Variants in NTNG1 observed in about 807,000 individuals in gnomAD.
The protein encoded by NTNG1 is netrin-G1.
NTNG1 carries 16 observed loss-of-function variants against 54.0 expected under a neutral mutation model. The observed-to-expected ratio is 0.30, with a 90% confidence interval of 0.20 to 0.45. The LOEUF (loss-of-function observed/expected upper bound fraction) is 0.45, where lower values mean the gene tolerates loss of function less well. Ranked by LOEUF, NTNG1 falls within the 20% of genes least tolerant of loss-of-function variation. NTNG1 has a pLI of 1.00. For synonymous variants in NTNG1, 255 were observed against 263.1 expected (o/e 0.97, Z 0.30); for missense variants, 530 against 678.7 (o/e 0.78, Z 2.43).
chr1:107,147,286 T>C (rs1434742981), intron 1 of NTNG1, among the ~76,000 whole-genome samples: 10 of 152,162 alleles, frequency 6.6e-5, no homozygotes, highest in Non-Finnish European at 5.9e-5. Flanking sequence ...GCATTTTAAA[T>C]TGTGCGTTTT....
intron 7 of NTNG1, among the ~76,000 whole-genome samples, chr1:107,446,559 T>C (rs1311288678): frequency 6.6e-6 from 1 of 152,116 alleles, no homozygotes; most frequent in East Asian, 1.9e-4. Context: ...GTTTTTACCA[T>C]TGCCTTTTAA....
At chr1:107,165,992 A>G (rs1231113835) in intron 2 of NTNG1, among the ~76,000 whole-genome samples, 5 of 152,186 alleles carry the variant, frequency 3.3e-5, no homozygotes, top group Non-Finnish European at 7.3e-5. Context: ...GCTGGGCATA[A>G]TGGGAGATAA....
At chr1:107,420,782 T>G (rs995804135) in intron 5 of NTNG1, among the ~76,000 whole-genome samples, 2 of 152,028 alleles carry the variant, frequency 1.3e-5, no homozygotes, top group Non-Finnish European at 2.9e-5. Flanking sequence ...AGATTGACAG[T>G]AGGGGATCCT....
intron 7 of NTNG1, among the ~76,000 whole-genome samples, chr1:107,469,210 T>C (rs1677817276): frequency 6.6e-6 from 1 of 152,184 alleles, no homozygotes; most frequent in Non-Finnish European, 1.5e-5. Context: ...TATTGTTTCA[T>C]GAAGAATGAC....
At position 107,400,853 on chromosome 1, in the gene NTNG1, T is replaced by C. The variant is rs527556554; in HGVS notation, c.1060+5527T>C. On this transcript the variant is annotated intron_variant, in intron 4 of 7. Transcript: ENST00000370068. The stretch of plus-strand genomic sequence containing the variant: ...TTAGTAGAGAAAGGGTTTCACCATG[T>C]TGGTCAGGCTGCTCTCGAACTTCTG... Among the ~76,000 whole-genome samples the C allele has an allele frequency of 3.9e-5, 6 of 152,274 alleles. 2 individuals carry two copies. The South Asian group carries it at 1.2e-3, about 32-fold the overall frequency.
intron 7 of NTNG1, among the ~76,000 whole-genome samples, chr1:107,459,014 A>G (rs951046455): frequency 4.6e-5 from 7 of 152,150 alleles, no homozygotes; most frequent in Non-Finnish European, 7.4e-5. Context: ...GTCATTTTCC[A>G]TATGTATTGT....
chr1:107,345,977 A>T (rs1669197881), intron 3 of NTNG1, among the ~76,000 whole-genome samples: 1 of 152,160 alleles, frequency 6.6e-6, no homozygotes, highest in Non-Finnish European at 1.5e-5. Flanking sequence ...CTAATGTATC[A>T]GAAAAGGTAC....
intron 3 of NTNG1, among the ~76,000 whole-genome samples, chr1:107,388,074 G>C (rs1253064922): frequency 2.0e-5 from 3 of 152,152 alleles, no homozygotes; most frequent in Non-Finnish European, 4.4e-5. Flanking sequence ...CAGATTCTAT[G>C]TTCTTGGGGA....
intron 2 of NTNG1, among the ~76,000 whole-genome samples, chr1:107,217,326 C>G (rs1660037500): frequency 6.6e-6 from 1 of 151,986 alleles, no homozygotes; most frequent in Non-Finnish European, 1.5e-5. Context: ...TTATTTGAAT[C>G]TTCTCTCTTC....
chr1:107,250,712 C>G (rs1023815015), intron 2 of NTNG1, among the ~76,000 whole-genome samples: 1 of 69,276 alleles, frequency 1.4e-5, no homozygotes, highest in Non-Finnish European at 2.9e-5. Flanking sequence ...AGAATCCAGG[C>G]AAGAGGGTCG....
intron 2 of NTNG1, among the ~76,000 whole-genome samples, chr1:107,313,839 TA>T (rs1374996121): frequency 6.6e-6 from 1 of 152,208 alleles, no homozygotes; most frequent in Non-Finnish European, 1.5e-5. Context: ...GATTCTTTTA[TA>T]ATTCTTTTAA....
At chr1:107,434,230 G>C (rs1448755272) in intron 6 of NTNG1, among the ~76,000 whole-genome samples, 2 of 152,200 alleles carry the variant, frequency 1.3e-5, no homozygotes, top group Non-Finnish European at 2.9e-5. Context: ...TGATGAAATA[G>C]ATGTTGTAAA....
chr1:107,184,202 C>A (rs1010491462), intron 2 of NTNG1, among the ~76,000 whole-genome samples: 2 of 152,100 alleles, frequency 1.3e-5, no homozygotes, highest in African/African-American at 4.8e-5. Flanking sequence ...GTTCTCCTAG[C>A]ATGGCTCCTC....
chr1:107,483,300 T>C lies in NTNG1; in HGVS notation c.*2460T>C, dbSNP rs1227434911. Reference sequence around the variant, plus strand: ...TCCAAAAGCTAATTCTAAAATTTAATGAAGGCCTGATTTAAACTGATTCAT... The same window carrying C: ...TCCAAAAGCTAATTCTAAAATTTAACGAAGGCCTGATTTAAACTGATTCAT... On this transcript the variant is annotated 3_prime_UTR_variant, in exon 8 of 8. Coordinates refer to ENST00000370068, the MANE Select transcript of NTNG1 (RefSeq NM_001113226.3). 1 of 152,236 alleles carries C rather than the reference T, an allele frequency of 6.6e-6. No homozygotes were observed. Among genetic ancestry groups the C allele is most frequent in the Non-Finnish European group, 1.5e-5 (1 of 68,040 alleles). The allele number at this position is 152,236 out of a possible 1,614,324, so 9.4% of individuals were successfully genotyped here. A position where few individuals can be genotyped will look rare whatever the true frequency, so the allele number is the denominator to read the frequency against.
At chr1:107,208,681 A>G (rs143165966) in intron 2 of NTNG1, among the ~76,000 whole-genome samples, 312 of 152,182 alleles carry the variant, frequency 2.1e-3, no homozygotes, top group African/African-American at 6.8e-3. Flanking sequence ...TCCCACTTCC[A>G]GTGACCAAGG....
At chr1:107,145,305 G>T (rs1456863468) in intron 1 of NTNG1, among the ~76,000 whole-genome samples, 1 of 151,898 alleles carries the variant, frequency 6.6e-6, no homozygotes, top group East Asian at 1.9e-4. Flanking sequence ...ATTTTCAGAG[G>T]CTGCTTTTCC....
intron 2 of NTNG1, among the ~76,000 whole-genome samples, chr1:107,282,293 T>G (rs550222254): frequency 6.6e-6 from 1 of 152,278 alleles, no homozygotes; most frequent in Non-Finnish European, 1.5e-5. Flanking sequence ...TCCTGTCTGT[T>G]CTTTCTCCCT....
rs1373011454 is a variant in NTNG1 at position 107,189,456 on chromosome 1, G to A, written c.246+40617G>A. Among the ~76,000 whole-genome samples, 3 of 147,634 alleles carry A rather than the reference G, an allele frequency of 2.0e-5. No homozygotes were observed. In the East Asian group the frequency reaches 6.3e-4, roughly 31 times the overall value. On this transcript the variant is annotated intron_variant, in intron 2 of 7. Transcript: ENST00000370068. ...TTTAAAGGAAAATAAACAACCAGTG[G>A]TCTTGAAAAAAAAAAGGCGGGGGAG...
intron 2 of NTNG1, among the ~76,000 whole-genome samples, chr1:107,241,828 T>C (rs2101581457): frequency 6.6e-6 from 1 of 152,304 alleles, no homozygotes; most frequent in East Asian, 1.9e-4. Context: ...TAATTGTCTT[T>C]AAAATCTTGA....
Sources: gnomAD v4.1 joint callset for allele counts (sites outside exome capture counted in the v4.1 genomes callset) on GRCh38, gnomAD v4.1.1 for gene constraint, MANE v1.5 for transcripts, NCBI Gene and HGNC (gene_info 2026-07-23, HGNC 2026-07-21) for gene names.